The following RBFOX1 variants were observed in gnomAD, a reference collection of about 807,000 sequenced individuals.
RBFOX1 encodes RNA binding fox-1 homolog 1, also known as RNA binding protein fox-1 homolog 1.
RBFOX1 carries 8 observed loss-of-function variants against 57.7 expected under a neutral mutation model. That is an observed-to-expected ratio of 0.14 (90% CI 0.08 to 0.25). The LOEUF is 0.25. Among genes scored for constraint, RBFOX1 ranks in the 10% least tolerant of loss-of-function variants. The pLI is 1.00. For synonymous variants in RBFOX1, 326 were observed against 222.4 expected (o/e 1.47, Z -4.15); for missense variants, 611 against 548.5 (o/e 1.11, Z -1.14).
intron 3 of RBFOX1, among the ~76,000 whole-genome samples, chr16:6,795,522 C>G (rs1425255288): frequency 2.0e-5 from 3 of 152,168 alleles, no homozygotes; most frequent in Admixed American, 6.5e-5. Flanking sequence ...AATCCCAGCA[C>G]TTTGGGAGGC....
At position 7,712,922 on chromosome 16, in the gene RBFOX1, G is replaced by T. The variant is rs1001530285; in HGVS notation, c.*2177G>T. ...TAAAGTAAAATTCATTTGCAGTTTT[G>T]ATTTTCATCAATGAGCTGTACTTTC... On this transcript the variant is annotated 3_prime_UTR_variant, in exon 16 of 16. Coordinates refer to ENST00000550418, the MANE Select transcript of RBFOX1 (RefSeq NM_018723.4). 6.6e-6 allele frequency: 1 copy of T among 152,124 alleles called. No individual in the cohort carries two copies. Among genetic ancestry groups the T allele is most frequent in the African/African-American group, 2.4e-5 (1 of 41,428 alleles). 9.4% of individuals were successfully genotyped at this position (152,124 alleles called of 1,614,324 possible).
At chr16:7,699,360 A>C (rs564658316) in intron 14 of RBFOX1, among the ~76,000 whole-genome samples, 2 of 152,206 alleles carry the variant, frequency 1.3e-5, no homozygotes, top group East Asian at 3.9e-4. Context: ...CCCAGCTGAT[A>C]TCTTAATTTT....
intron 4 of RBFOX1, among the ~76,000 whole-genome samples, chr16:7,067,028 C>T (rs1186059812): frequency 6.6e-6 from 1 of 152,182 alleles, no homozygotes; most frequent in Admixed American, 6.5e-5. Flanking sequence ...GCACACAGAG[C>T]ATCTACTGTA....
At chr16:6,295,944 T>A (rs1285415811) in intron 1 of RBFOX1, among the ~76,000 whole-genome samples, 2 of 152,204 alleles carry the variant, frequency 1.3e-5, no homozygotes, top group Non-Finnish European at 2.9e-5. Context: ...ACACAGCTAT[T>A]TTATTCACAT....
chr16:6,963,003 C>A (rs74008491), intron 3 of RBFOX1, among the ~76,000 whole-genome samples: 1 of 152,120 alleles, frequency 6.6e-6, no homozygotes, highest in Non-Finnish European at 1.5e-5. Flanking sequence ...TGACTCCCAG[C>A]CAAGAATCAG....
At chr16:7,259,160 A>G (rs8054413) in intron 4 of RBFOX1, among the ~76,000 whole-genome samples, 74,006 of 152,012 alleles carry the variant, frequency 0.49, 18,418 homozygotes, top group Middle Eastern at 0.59. Flanking sequence ...TGTTGACACC[A>G]CATGACCTCT....
At chr16:6,931,337 C>CTCTA (rs1555640245) in intron 3 of RBFOX1, among the ~76,000 whole-genome samples, 236 of 110,258 alleles carry the variant, frequency 2.1e-3, no homozygotes, top group African/African-American at 7.3e-3. Flanking sequence ...ATCTATCTAT[C>CTCTA]TCTACACACA....
intron 4 of RBFOX1, among the ~76,000 whole-genome samples, chr16:5,967,073 G>A (rs911446837): frequency 2.8e-5 from 4 of 145,390 alleles, no homozygotes; most frequent in African/African-American, 7.6e-5. Flanking sequence ...AGCCATGACC[G>A]CTCATTTATA....
At chr16:6,279,266 A>C (rs1450671128) in intron 1 of RBFOX1, among the ~76,000 whole-genome samples, 1 of 152,220 alleles carries the variant, frequency 6.6e-6, no homozygotes, top group Non-Finnish European at 1.5e-5. Flanking sequence ...TCTGGCACCT[A>C]GCTAAGGAAA....
chr16:7,275,653 C>T (rs888817214), intron 4 of RBFOX1, among the ~76,000 whole-genome samples: 14 of 151,380 alleles, frequency 9.2e-5, no homozygotes, highest in South Asian at 4.1e-4. Context: ...TTATCTGTTT[C>T]GGGGAACATA....
At chr16:6,278,377 C>CAAAAAAAAAAAAAAAAAAAAAAAAAA (rs57523660) in intron 1 of RBFOX1, among the ~76,000 whole-genome samples, 1 of 28,042 alleles carries the variant, frequency 3.6e-5, no homozygotes, top group Non-Finnish European at 6.1e-5. Flanking sequence ...TAGGACTCAC[C>CAAAAAAAAAAAAAAAAAAAAAAAAAA]AAAAAAAAAA....
intron 1 of RBFOX1, among the ~76,000 whole-genome samples, chr16:5,395,018 C>T (rs1020754817): frequency 6.6e-6 from 1 of 152,196 alleles, no homozygotes; most frequent in Non-Finnish European, 1.5e-5. Flanking sequence ...TGCTCGGAGT[C>T]CCACATTTCA....
At chr16:6,083,931 T>C (rs112267119) in intron 1 of RBFOX1, among the ~76,000 whole-genome samples, 7 of 152,136 alleles carry the variant, frequency 4.6e-5, no homozygotes, top group African/African-American at 1.7e-4. Context: ...CAAGAAGAAG[T>C]CTCCCAAAGG....
At chr16:6,668,071 C>T (rs140266200) in intron 3 of RBFOX1, among the ~76,000 whole-genome samples, 1 of 152,148 alleles carries the variant, frequency 6.6e-6, no homozygotes, top group Non-Finnish European at 1.5e-5. Context: ...AAACTGGATA[C>T]CAAACCCTCA....
At chr16:5,362,517 C>T (rs1442566157) in intron 1 of RBFOX1, among the ~76,000 whole-genome samples, 1 of 152,182 alleles carries the variant, frequency 6.6e-6, no homozygotes, top group African/African-American at 2.4e-5. Flanking sequence ...CATGCGCCAA[C>T]ACGCTTGGCT....
chr16:6,943,675 T>G (rs571532121), intron 3 of RBFOX1, among the ~76,000 whole-genome samples: 2 of 147,816 alleles, frequency 1.4e-5, no homozygotes, highest in East Asian at 4.0e-4. Flanking sequence ...GTCACTGCAC[T>G]CCAGCCTGGG....
intron 3 of RBFOX1, among the ~76,000 whole-genome samples, chr16:6,939,924 A>T (rs1164569632): frequency 6.6e-6 from 1 of 152,164 alleles, no homozygotes; most frequent in Non-Finnish European, 1.5e-5. Flanking sequence ...ATTTAATCAC[A>T]ACTCTGGTTT....
chr16:7,584,168 C>T (rs765844650), intron 6 of RBFOX1, among the ~76,000 whole-genome samples: 13 of 152,126 alleles, frequency 8.5e-5, no homozygotes, highest in Admixed American at 2.0e-4. Context: ...TTTACTTTTA[C>T]GTTTTATGCT....
intron 2 of RBFOX1, among the ~76,000 whole-genome samples, chr16:6,651,484 C>G (rs1300974901): frequency 6.6e-6 from 1 of 152,180 alleles, no homozygotes; most frequent in East Asian, 1.9e-4. Flanking sequence ...TTTGTAACCC[C>G]TGACTGCCGG....
Sources: allele counts gnomAD v4.1 joint callset (sites outside exome capture counted in the v4.1 genomes callset), GRCh38; gene constraint gnomAD v4.1.1; transcripts MANE v1.5; gene names NCBI Gene and HGNC (gene_info 2026-07-23, HGNC 2026-07-21).